Variants in TMEM192 observed in about 807,000 individuals in gnomAD.
TMEM192 encodes the protein transmembrane protein 192.
A neutral mutation model predicts 26.7 loss-of-function variants in TMEM192; 20 were observed. The observed-to-expected ratio is 0.75, with a 90% CI of 0.53 to 1.09. The LOEUF is 1.09. Among genes scored for constraint, TMEM192 ranks in the 50% least tolerant of loss-of-function variants. The probability of loss-of-function intolerance (pLI) is 0.00; values close to 1 mark genes in which losing one functional copy is unlikely to be tolerated. For missense variants in TMEM192, 304 were observed against 322.6 expected, an observed-to-expected ratio of 0.94 and a Z score of 0.44; for synonymous variants, 124 against 121.0, an observed-to-expected ratio of 1.02 and a Z score of -0.16.
At chr4:165,095,059 C>T in intron 3 of TMEM192, among the ~76,000 whole-genome samples, 1 of 151,998 alleles carries the variant, frequency 6.6e-6, no homozygotes, top group East Asian at 1.9e-4. Context: ...GCTGGGCGGT[C>T]CTGTAATGAC....
chr4:165,079,649 G>C lies in TMEM192; in HGVS notation c.*9C>G. ...TTCCTCTGCAATTGCTGTCATGACC[G>C]TGAGCCTCTCACGTTCTACTTGGCT... On this transcript the variant is annotated 3_prime_UTR_variant, in exon 6 of 6. Transcript: ENST00000306480. 2 of 1,604,682 alleles carry C rather than the reference G, an allele frequency of 1.2e-6. No individual in the cohort carries two copies. The highest frequency in any genetic ancestry group is 1.7e-6 in the Non-Finnish European group (2 of 1,174,908).
intron 1 of TMEM192, among the ~76,000 whole-genome samples, chr4:165,107,160 A>C (rs1735180518): frequency 6.6e-6 from 1 of 151,358 alleles, no homozygotes; most frequent in African/African-American, 2.4e-5. Context: ...AAGTAGCTGG[A>C]ATTACAAGTG....
rs1219225365 is a variant in TMEM192 at position 165,100,724 on chromosome 4, G to A, written c.343C>T (p.Gln115Ter). 1.2e-6 allele frequency: 2 copies of A among 1,613,952 alleles called. No homozygotes were observed. The highest frequency in any genetic ancestry group is 2.7e-5 in the African/African-American group (2 of 74,882). ...TTTCTGATTTTGCTGTGGTGATACTGGATGTAGCATTCAAGGAGTAAATGG... is the reference window on the plus strand; with the variant it reads ...TTTCTGATTTTGCTGTGGTGATACTAGATGTAGCATTCAAGGAGTAAATGG... ...ILHLLLECYI[Q>*]YHHSKIRNRG... is the part of the protein sequence containing the mutation. The change falls in exon 3 of 6, where the codon CAG (glutamine) becomes TAG (stop). Residue 115 changes from glutamine to a stop codon, truncating the protein, a stop_gained. Transcript: ENST00000306480. LOFTEE classifies it high-confidence loss of function.
At chr4:165,111,681 T>A (rs898828536) in intron 1 of TMEM192, 2 of 152,216 alleles carry the variant, frequency 1.3e-5, no homozygotes, top group Admixed American at 1.3e-4. Flanking sequence ...TTTTCTCAAC[T>A]GGAAAAAATA....
chr4:165,104,680 G>A (rs534061843), intron 1 of TMEM192, among the ~76,000 whole-genome samples: 16 of 152,002 alleles, frequency 1.1e-4, no homozygotes, highest in Non-Finnish European at 1.5e-4. Context: ...AAAGGCACGC[G>A]CCACTATGCC....
chr4:165,104,450 G>A (rs1735117840), intron 1 of TMEM192, among the ~76,000 whole-genome samples: 1 of 152,178 alleles, frequency 6.6e-6, no homozygotes, highest in African/African-American at 2.4e-5. Context: ...GTAATCTAGG[G>A]TGTAACCTAG....
chr4:165,112,079 G>GT (rs1406244433), intron 1 of TMEM192, among the ~76,000 whole-genome samples: 7 of 152,180 alleles, frequency 4.6e-5, no homozygotes, highest in Non-Finnish European at 8.8e-5. Context: ...CTGGTTTTTT[G>GT]TTTTTTTGTT....
At chr4:165,087,465 A>C (rs2110750514) in intron 4 of TMEM192, among the ~76,000 whole-genome samples, 1 of 152,334 alleles carries the variant, frequency 6.6e-6, no homozygotes, top group South Asian at 2.1e-4. Context: ...AAGAAGGTAG[A>C]TGACTCCTAC....
intron 3 of TMEM192, among the ~76,000 whole-genome samples, chr4:165,088,913 CA>C (rs1018300300): frequency 2.0e-5 from 3 of 151,736 alleles, no homozygotes; most frequent in Non-Finnish European, 4.4e-5. Context: ...TGGTGGCACA[CA>C]TCTGTAGTTC....
At chr4:165,085,344 T>C (rs1358392422) in intron 5 of TMEM192, among the ~76,000 whole-genome samples, 1 of 151,772 alleles carries the variant, frequency 6.6e-6, no homozygotes, top group Non-Finnish European at 1.5e-5. Flanking sequence ...GTTAATGATG[T>C]CAAAAGCTCT....
At position 165,100,614 on chromosome 4, in the gene TMEM192, A is replaced by T; in HGVS notation, c.439+14T>A. On this transcript the variant is annotated intron_variant, in intron 3 of 5. Transcript: ENST00000306480. ...CCTCAAGCACCCAAGTAGCTGAGAG[A>T]AAATTGGACATACCAGAGGACTGTA... 1 of 1,603,172 alleles carries T rather than the reference A, an allele frequency of 6.2e-7. No individual in the cohort carries two copies. Among genetic ancestry groups the T allele is most frequent in the Non-Finnish European group, 8.5e-7 (1 of 1,174,560 alleles).
intron 5 of TMEM192, among the ~76,000 whole-genome samples, chr4:165,084,649 C>T (rs1254225367): frequency 6.6e-6 from 1 of 151,698 alleles, no homozygotes; most frequent in African/African-American, 2.4e-5. Context: ...GTAATCATGC[C>T]TGTAATCCCA....
chr4:165,073,008 A>G lies in TMEM192; in HGVS notation c.*6650T>C, dbSNP rs12509915. 0.84 allele frequency: 126,695 copies of G among 151,622 alleles called. 54,166 individuals are homozygous for G. The highest frequency in any genetic ancestry group is 0.95 in the East Asian group (4,850 of 5,122). 9.4% of individuals were successfully genotyped at this position (151,622 alleles called of 1,614,324 possible). A position where few individuals can be genotyped will look rare whatever the true frequency, so the allele number is the denominator to read the frequency against. On this transcript the variant is annotated 3_prime_UTR_variant, in exon 6 of 6. Coordinates refer to ENST00000306480, the MANE Select transcript of TMEM192 (RefSeq NM_001100389.2). ...AGGCCCAGGGGTTGAGCCCTGGAGA[A>G]TACCAACAAAAAGCAACTTGCAAAG...
chr4:165,102,784 CTTTTT>C (rs11315804), intron 2 of TMEM192, among the ~76,000 whole-genome samples, 161 bp downstream of exon 2: 3 of 130,832 alleles, frequency 2.3e-5, no homozygotes, highest in Admixed American at 8.1e-5. Context: ...AGTGTACGTA[CTTTTT>C]TTTTTTTTTT....
chr4:165,089,499 A>AT (rs1360469394), intron 3 of TMEM192, among the ~76,000 whole-genome samples: 35 of 151,972 alleles, frequency 2.3e-4, no homozygotes, highest in Non-Finnish European at 1.2e-4. Context: ...TTTTTAAAAT[A>AT]TTTTTAGTAG....
intron 2 of TMEM192, 49 bp from the exon 3 acceptor site, chr4:165,100,941 G>A (rs1735026065): frequency 6.8e-7 from 1 of 1,477,014 alleles, no homozygotes; most frequent in East Asian, 2.4e-5. Flanking sequence ...TTGTAATTAG[G>A]AAGCAATAAC....
intron 3 of TMEM192, among the ~76,000 whole-genome samples, chr4:165,092,112 C>CTTTCTTAATGCTGTTCTT (rs1734779100): frequency 2.8e-5 from 2 of 72,074 alleles, no homozygotes; most frequent in African/African-American, 1.3e-4. Flanking sequence ...TAATGCTGTT[C>CTTTCTTAATGCTGTTCTT]TTTTTTTTTT....
At chr4:165,085,270 T>C (rs1358365200) in intron 5 of TMEM192, among the ~76,000 whole-genome samples, 1 of 53,734 alleles carries the variant, frequency 1.9e-5, no homozygotes, top group African/African-American at 4.9e-5. Flanking sequence ...CAAAACTCCA[T>C]CTCAAAAAAA....
rs1392736242 is a variant in TMEM192 at position 165,073,703 on chromosome 4, AC to A, written c.*5954del. ...TCGTTCTATTCTGAGATAGGAGAAA[AC>A]TGCCCTGTGGCTGGAGGCGAGATAT... is the stretch of plus-strand genomic sequence containing the variant. On this transcript the variant is annotated 3_prime_UTR_variant, in exon 6 of 6. Transcript: ENST00000306480. 2.6e-5 allele frequency: 4 copies of A among 152,168 alleles called. No individual in the cohort carries two copies. The highest frequency in any genetic ancestry group is 2.6e-4 in the Admixed American group (4 of 15,254). 9.4% of individuals were successfully genotyped at this position (152,168 alleles called of 1,614,324 possible). A position where few individuals can be genotyped will look rare whatever the true frequency, so the allele number is the denominator to read the frequency against.
Sources: allele counts gnomAD v4.1 joint callset (sites outside exome capture counted in the v4.1 genomes callset), GRCh38; gene constraint gnomAD v4.1.1; transcripts MANE v1.5; gene names NCBI Gene and HGNC (gene_info 2026-07-23, HGNC 2026-07-21).